Variants in MED13L observed in about 807,000 individuals in gnomAD.
MED13L encodes mediator of RNA polymerase II transcription subunit 13-like.
In MED13L, 7 loss-of-function variants were observed where a neutral mutation model predicts 220.9. The observed-to-expected ratio is 0.03, with a 90% confidence interval of 0.02 to 0.06. MED13L has a LOEUF of 0.06. Ranked by LOEUF, MED13L falls within the 10% of genes least tolerant of loss-of-function variation. The probability of loss-of-function intolerance (pLI) is 1.00; values close to 1 mark genes in which losing one functional copy is unlikely to be tolerated. For missense variants in MED13L, 1,965 were observed against 2,760.5 expected, an observed-to-expected ratio of 0.71 and a Z score of 6.46; for synonymous variants, 1,011 against 1,015.2, an observed-to-expected ratio of 1.00 and a Z score of 0.08.
At chr12:116,015,331 T>C (rs1879662595) in intron 7 of MED13L, 57 bp from the exon 8 acceptor site, 18 of 1,541,052 alleles carry the variant, frequency 1.2e-5, no homozygotes, top group Middle Eastern at 3.4e-4. Context: ...TCCTACTTCA[T>C]AGACTGCTAT....
chr12:116,119,836 A>ATAT (rs1373268884), intron 2 of MED13L, among the ~76,000 whole-genome samples: 279 of 71,770 alleles, frequency 3.9e-3, no homozygotes, highest in Non-Finnish European at 4.8e-3. Context: ...AAAAAAAAAA[A>ATAT]AAATATATAT....
At chr12:115,984,426 TA>T (rs1877549657) in intron 19 of MED13L, 54 bp from the exon 20 acceptor site, 11 of 1,582,286 alleles carry the variant, frequency 7.0e-6, no homozygotes, top group Non-Finnish European at 7.8e-6. Context: ...CTTCATTCAG[TA>T]CCAATGGTTA....
rs201077645 is a variant in MED13L at position 115,991,723 on chromosome 12, G to A, written c.3231C>T (p.Thr1077=). 34 of 1,613,710 alleles carry A rather than the reference G, an allele frequency of 2.1e-5. No individual in the cohort carries two copies. Among genetic ancestry groups the A allele is most frequent in the South Asian group, 8.8e-5 (8 of 91,054 alleles). Residue 1077 remains threonine (T), a synonymous_variant, in exon 17 of 31, where the codon ACC becomes ACT. Transcript: ENST00000281928. The surrounding 1 kb of genome is among the most constrained non-coding windows in gnomAD (Gnocchi z 7.7). ...GGGTGGAGGCTGGTGATCCTTGATC[G>A]GTGCTATCATACTTAACAGACCCTT... ...SGQGSVKYDS[T]DQGSPASTPS...
At chr12:116,277,031 A>G in intron 1 of MED13L, 29 bp downstream of exon 1, 5 of 1,010,506 alleles carry the variant, frequency 4.9e-6, no homozygotes, top group Non-Finnish European at 7.5e-6. Context: ...TCCCCGGCAC[A>G]GCCCCCTCCC....
intron 4 of MED13L, among the ~76,000 whole-genome samples, chr12:116,079,413 G>A (rs370274196): frequency 6.6e-6 from 1 of 151,844 alleles, no homozygotes; most frequent in Admixed American, 6.6e-5. Context: ...GATGGGGGAG[G>A]GGGGGTCTCA....
intron 16 of MED13L, among the ~76,000 whole-genome samples, chr12:115,992,176 T>A (rs1878108491): frequency 6.6e-6 from 1 of 152,170 alleles, no homozygotes; most frequent in African/African-American, 2.4e-5. Flanking sequence ...GAAGAATAAT[T>A]CAACACAGCA....
Position 116,096,756 on chromosome 12 carries a change from A to C in MED13L, c.396-4T>G, listed in dbSNP as rs764080704. ...GAAGTTCTTATCCATTAGGCACCTA[A>C]AATAATTACATCAAGAATTACTTTT... On this transcript the variant is annotated splice_region_variant and splice_polypyrimidine_tract_variant and intron_variant, in intron 3 of 30. Coordinates refer to ENST00000281928, the MANE Select transcript of MED13L (RefSeq NM_015335.5). 5 of 1,608,482 alleles carry C rather than the reference A, an allele frequency of 3.1e-6. No homozygotes were observed. The highest frequency in any genetic ancestry group is 4.3e-6 in the Non-Finnish European group (5 of 1,175,036).
intron 8 of MED13L, among the ~76,000 whole-genome samples, chr12:116,014,368 A>G (rs904874104): frequency 1.3e-5 from 2 of 152,220 alleles, no homozygotes; most frequent in Non-Finnish European, 2.9e-5. Context: ...TTAGTCAAGA[A>G]AGCAGACATC....
At chr12:115,975,056 ATAGAATCTGTT>A in intron 25 of MED13L, 104 bp downstream of exon 25, 1 of 1,090,930 alleles carries the variant, frequency 9.2e-7, no homozygotes, top group Non-Finnish European at 1.4e-6. Flanking sequence ...GAATCATAAA[ATAGAATCTGTT>A]TAATTCTTAC....
chr12:116,151,510 A>G (rs1306107465), intron 2 of MED13L, among the ~76,000 whole-genome samples: 2 of 152,258 alleles, frequency 1.3e-5, no homozygotes, highest in African/African-American at 4.8e-5. Flanking sequence ...AATAAAGCAC[A>G]GTACAAACTA....
chr12:116,258,441 T>TA (rs779252699), intron 1 of MED13L, among the ~76,000 whole-genome samples: 3 of 152,098 alleles, frequency 2.0e-5, no homozygotes, highest in Non-Finnish European at 2.9e-5. Flanking sequence ...TGACTTGAAA[T>TA]ACAGATTCCT....
intron 2 of MED13L, among the ~76,000 whole-genome samples, chr12:116,167,412 C>A (rs1248418074): frequency 6.6e-6 from 1 of 152,066 alleles, no homozygotes; most frequent in African/African-American, 2.4e-5. Flanking sequence ...AATTGACAGG[C>A]CAGTAGATAC....
At chr12:116,194,378 T>A (rs10744869) in intron 2 of MED13L, among the ~76,000 whole-genome samples, 22,817 of 152,080 alleles carry the variant, frequency 0.15, 3,122 homozygotes, top group East Asian at 0.39. Context: ...TTGGTCAGGC[T>A]GGTCTCAAAC....
At chr12:116,218,252 GA>G (rs1038267105) in intron 2 of MED13L, among the ~76,000 whole-genome samples, 49 of 152,140 alleles carry the variant, frequency 3.2e-4, no homozygotes, top group African/African-American at 1.1e-3. Flanking sequence ...AATAAAATGG[GA>G]TTTTTTATAG....
chr12:116,256,933 C>T (rs1182376522), intron 1 of MED13L, among the ~76,000 whole-genome samples: 3 of 152,108 alleles, frequency 2.0e-5, no homozygotes, highest in Non-Finnish European at 4.4e-5. Flanking sequence ...CCTCGGCCTC[C>T]CAAAGTGCTG....
intron 4 of MED13L, among the ~76,000 whole-genome samples, chr12:116,046,142 T>C (rs1406958519): frequency 6.6e-6 from 1 of 152,192 alleles, no homozygotes; most frequent in African/African-American, 2.4e-5. Flanking sequence ...GGCTGGTTTA[T>C]AGTCACTCAC....
chr12:116,072,532 A>C (rs1444568439), intron 4 of MED13L, among the ~76,000 whole-genome samples: 1 of 152,138 alleles, frequency 6.6e-6, no homozygotes, highest in East Asian at 1.9e-4. Flanking sequence ...GCTCACTGCA[A>C]GCTCCGCCTC....
intron 2 of MED13L, among the ~76,000 whole-genome samples, chr12:116,211,013 A>G (rs948123705): frequency 6.6e-6 from 1 of 152,172 alleles, no homozygotes; most frequent in Non-Finnish European, 1.5e-5. Context: ...ATCAAAAAGG[A>G]AGAAAGGAGA....
chr12:116,022,228 C>T (rs1880100947), intron 5 of MED13L, among the ~76,000 whole-genome samples: 1 of 152,160 alleles, frequency 6.6e-6, no homozygotes. Context: ...CAAAAGAATA[C>T]ACATAAGACC....
Sources: gnomAD v4.1 joint callset for allele counts (sites outside exome capture counted in the v4.1 genomes callset) on GRCh38, gnomAD v4.1.1 for gene constraint, Gnocchi (gnomAD v3.1) non-coding constraint, MANE v1.5 for transcripts, NCBI Gene and HGNC (gene_info 2026-07-23, HGNC 2026-07-21) for gene names.